The following ASIC2 variants were observed in gnomAD, a reference collection of about 807,000 sequenced individuals.
ASIC2 encodes acid sensing ion channel subunit 2.
ASIC2 carries 25 observed loss-of-function variants against 57.3 expected under a neutral mutation model. The ratio of observed to expected loss-of-function variants is 0.44; its 90% CI spans 0.32 to 0.61. The LOEUF (loss-of-function observed/expected upper bound fraction) is 0.61, where lower values mean the gene tolerates loss of function less well. Ranked by LOEUF, ASIC2 falls within the 20% of genes least tolerant of loss-of-function variation. ASIC2 has a pLI of 0.06. For synonymous variants in ASIC2, 319 were observed against 307.5 expected, an observed-to-expected ratio of 1.04 and a Z score of -0.39; for missense variants, 641 against 738.1, an observed-to-expected ratio of 0.87 and a Z score of 1.52.
At chr17:33,064,481 T>C (rs923502072) in intron 3 of ASIC2, among the ~76,000 whole-genome samples, 3 of 152,172 alleles carry the variant, frequency 2.0e-5, no homozygotes, top group African/African-American at 4.8e-5. Context: ...GGTTTGTGGG[T>C]TCAGCAGCGG....
At chr17:33,886,963 AC>A (rs751341923) in intron 1 of ASIC2, among the ~76,000 whole-genome samples, 8 of 152,180 alleles carry the variant, frequency 5.3e-5, no homozygotes, top group Non-Finnish European at 7.3e-5. Context: ...AACAAAAAAA[AC>A]AAAAAATGCA....
intron 1 of ASIC2, among the ~76,000 whole-genome samples, chr17:33,914,947 A>C (rs1249096025): frequency 6.6e-6 from 1 of 152,210 alleles, no homozygotes; most frequent in Non-Finnish European, 1.5e-5. Context: ...TTCGGAAGGC[A>C]TGATCCATCA....
At chr17:34,119,166 A>C (rs1244731909) in intron 1 of ASIC2, among the ~76,000 whole-genome samples, 1 of 152,188 alleles carries the variant, frequency 6.6e-6, no homozygotes, top group Non-Finnish European at 1.5e-5. Flanking sequence ...TGTTGAAGAA[A>C]GAGAGAAAAG....
At chr17:33,386,579 C>T (rs2141949813) in intron 1 of ASIC2, among the ~76,000 whole-genome samples, 1 of 152,312 alleles carries the variant, frequency 6.6e-6, no homozygotes, top group Admixed American at 6.5e-5. Context: ...CCTCTCTGAG[C>T]TGCAGCCATC....
intron 1 of ASIC2, among the ~76,000 whole-genome samples, chr17:33,887,382 T>C (rs1914854395): frequency 6.6e-6 from 1 of 152,080 alleles, no homozygotes; most frequent in African/African-American, 2.4e-5. Flanking sequence ...ACAATGCTCT[T>C]TGGGGTCCTA....
At chr17:33,152,528 G>A (rs897424010) in intron 1 of ASIC2, among the ~76,000 whole-genome samples, 3 of 152,318 alleles carry the variant, frequency 2.0e-5, no homozygotes, top group African/African-American at 7.2e-5. Flanking sequence ...CAGAGATGTA[G>A]GAGTGAGCAA....
intron 1 of ASIC2, among the ~76,000 whole-genome samples, chr17:33,624,288 C>T (rs1905904746): frequency 1.3e-5 from 2 of 152,196 alleles, no homozygotes; most frequent in African/African-American, 2.4e-5. Flanking sequence ...GAGGCAGACA[C>T]ACCCAGAAGT....
intron 1 of ASIC2, chr17:34,006,618 T>C (rs538750160): frequency 1.1e-4 from 16 of 147,724 alleles, no homozygotes; most frequent in African/African-American, 4.0e-4. Flanking sequence ...AAAATATTTA[T>C]TTTTTAGTTT....
intron 1 of ASIC2, among the ~76,000 whole-genome samples, chr17:34,078,659 GA>G (rs1412501806): frequency 6.6e-6 from 1 of 152,132 alleles, no homozygotes; most frequent in Admixed American, 6.5e-5. Flanking sequence ...GCACTTGGGG[GA>G]AACAGAAGCA....
intron 1 of ASIC2, among the ~76,000 whole-genome samples, chr17:33,271,625 C>A (rs752602362): frequency 6.6e-6 from 1 of 152,184 alleles, no homozygotes; most frequent in Non-Finnish European, 1.5e-5. Flanking sequence ...TGAAGTCTCA[C>A]TGGACCTACC....
intron 1 of ASIC2, among the ~76,000 whole-genome samples, chr17:33,178,759 G>T (rs543369839): frequency 6.6e-6 from 1 of 152,230 alleles, no homozygotes; most frequent in South Asian, 2.1e-4. Flanking sequence ...CAGCCCAACA[G>T]AGGAGGGCCC....
intron 1 of ASIC2, among the ~76,000 whole-genome samples, chr17:33,742,440 C>T (rs16968847): frequency 0.096 from 14,625 of 152,194 alleles, 715 homozygotes; most frequent in African/African-American, 0.11. Context: ...TGTGTTCGCT[C>T]TTGCTGGCCT....
At chr17:33,662,212 G>A (rs927562566) in intron 1 of ASIC2, among the ~76,000 whole-genome samples, 3 of 152,154 alleles carry the variant, frequency 2.0e-5, no homozygotes, top group Admixed American at 6.5e-5. Context: ...TTAGGTAGCC[G>A]AAGCTCAGTT....
intron 1 of ASIC2, among the ~76,000 whole-genome samples, chr17:33,483,980 G>A (rs1169851280): frequency 6.6e-6 from 1 of 152,196 alleles, no homozygotes; most frequent in Non-Finnish European, 1.5e-5. Context: ...AAGTGATGAT[G>A]TGAGCAGAGA....
At chr17:33,699,421 C>A (rs1362130399) in intron 1 of ASIC2, among the ~76,000 whole-genome samples, 3 of 152,212 alleles carry the variant, frequency 2.0e-5, no homozygotes, top group Non-Finnish European at 2.9e-5. Flanking sequence ...GTCGGAGGAA[C>A]AACCACAGTC....
At chr17:33,370,208 C>G (rs918276536) in intron 1 of ASIC2, among the ~76,000 whole-genome samples, 2 of 152,162 alleles carry the variant, frequency 1.3e-5, no homozygotes, top group Non-Finnish European at 2.9e-5. Context: ...GCAGGCAAAT[C>G]TAGCCTGGAC....
At chr17:33,637,331 C>T (rs1328221272) in intron 1 of ASIC2, among the ~76,000 whole-genome samples, 1 of 152,052 alleles carries the variant, frequency 6.6e-6, no homozygotes, top group Non-Finnish European at 1.5e-5. Flanking sequence ...ATCTCCAGCT[C>T]CTGCTCCGAT....
intron 1 of ASIC2, among the ~76,000 whole-genome samples, chr17:33,662,008 C>A (rs1391856296): frequency 6.6e-6 from 1 of 152,184 alleles, no homozygotes; most frequent in Non-Finnish European, 1.5e-5. Flanking sequence ...AAGAATGAGA[C>A]CATTCTTGCT....
intron 1 of ASIC2, among the ~76,000 whole-genome samples, chr17:34,124,825 A>C (rs1911730281): frequency 6.6e-6 from 1 of 151,598 alleles, no homozygotes; most frequent in African/African-American, 2.4e-5. Context: ...ACACTCATTA[A>C]CTCATCTAAG....
Sources: gnomAD v4.1 joint callset for allele counts (sites outside exome capture counted in the v4.1 genomes callset) on GRCh38, gnomAD v4.1.1 for gene constraint, MANE v1.5 for transcripts, NCBI Gene and HGNC (gene_info 2026-07-23, HGNC 2026-07-21) for gene names.